Variants in RBFOX1 observed in about 807,000 individuals in gnomAD.
The protein encoded by RBFOX1 is RNA binding fox-1 homolog 1.
A neutral mutation model predicts 57.7 loss-of-function variants in RBFOX1; 8 were observed. That is an observed-to-expected ratio of 0.14 (90% CI 0.08 to 0.25). The LOEUF is 0.25. RBFOX1 is among the 10% of genes least tolerant of loss of function. The probability of loss-of-function intolerance (pLI) is 1.00; values close to 1 mark genes in which losing one functional copy is unlikely to be tolerated. For missense variants in RBFOX1, 611 were observed against 548.5 expected (o/e 1.11, Z -1.14); for synonymous variants, 326 against 222.4 (o/e 1.47, Z -4.15).
At chr16:6,717,544 G>A (rs992305773) in intron 3 of RBFOX1, among the ~76,000 whole-genome samples, 1 of 151,162 alleles carries the variant, frequency 6.6e-6, no homozygotes, top group Non-Finnish European at 1.5e-5. Flanking sequence ...TAGTCAACCT[G>A]ATGAATTAAG....
At chr16:7,390,243 G>A (rs1295467784) in intron 4 of RBFOX1, among the ~76,000 whole-genome samples, 1 of 152,100 alleles carries the variant, frequency 6.6e-6, no homozygotes, top group Non-Finnish European at 1.5e-5. Flanking sequence ...AACTACAGCT[G>A]GACATGAGAT....
At chr16:7,597,536 A>T (rs1035854839) in intron 9 of RBFOX1, 105 bp downstream of exon 9, 1 of 1,041,852 alleles carries the variant, frequency 9.6e-7, no homozygotes, top group African/African-American at 1.6e-5. Flanking sequence ...CTGGGCATTG[A>T]CACTGTGTTT....
At chr16:7,578,428 T>C (rs190526027) in intron 5 of RBFOX1, among the ~76,000 whole-genome samples, 109 of 152,348 alleles carry the variant, frequency 7.2e-4, no homozygotes, top group African/African-American at 2.4e-3. Context: ...GATGTCTTTA[T>C]TTCAAAATGC....
Position 7,711,881 on chromosome 16 carries a change from A to AACGTGACTGCGTT in RBFOX1, c.*1137_*1149dup, listed in dbSNP as rs2084050494. 1 of 152,658 alleles carries AACGTGACTGCGTT rather than the reference A, an allele frequency of 6.6e-6. No homozygotes were observed. The highest frequency in any genetic ancestry group is 2.1e-4 in the South Asian group (1 of 4,818). 9.5% of individuals were successfully genotyped at this position (152,658 alleles called of 1,614,324 possible). A position where few individuals can be genotyped will look rare whatever the true frequency, so the allele number is the denominator to read the frequency against. ...TTTTCATCAGCTTGGTACTTTTTGA[A>AACGTGACTGCGTT]ACGTGACTGCGTTGTGTGAACAATC... On this transcript the variant is annotated 3_prime_UTR_variant, in exon 16 of 16. Transcript: ENST00000550418.
intron 1 of RBFOX1, among the ~76,000 whole-genome samples, chr16:6,178,077 C>T (rs1200977163): frequency 6.6e-6 from 1 of 151,472 alleles, no homozygotes; most frequent in East Asian, 1.9e-4. Flanking sequence ...AATATGATTG[C>T]TTCCTAACCA....
chr16:6,515,823 A>C (rs2096365689), intron 2 of RBFOX1, among the ~76,000 whole-genome samples: 1 of 151,878 alleles, frequency 6.6e-6, no homozygotes, highest in South Asian at 2.1e-4. Flanking sequence ...GAAGTCTCTC[A>C]CCCACCCTAA....
At chr16:7,410,134 T>G (rs2098408596) in intron 4 of RBFOX1, among the ~76,000 whole-genome samples, 1 of 152,210 alleles carries the variant, frequency 6.6e-6, no homozygotes, top group Non-Finnish European at 1.5e-5. Flanking sequence ...ATTGTTAACC[T>G]ACATAAATGT....
intron 4 of RBFOX1, among the ~76,000 whole-genome samples, chr16:6,002,626 C>G (rs2060621672): frequency 6.6e-6 from 1 of 152,208 alleles, no homozygotes; most frequent in South Asian, 2.1e-4. Flanking sequence ...CTCTGTCACT[C>G]TTTCTTCTCC....
chr16:6,968,353 T>C (rs950410765), intron 3 of RBFOX1, among the ~76,000 whole-genome samples: 1 of 152,224 alleles, frequency 6.6e-6, no homozygotes, highest in African/African-American at 2.4e-5. Flanking sequence ...CTTTTCCTTC[T>C]TTTTTCTTCA....
chr16:6,203,738 C>G (rs1290454003), intron 1 of RBFOX1, among the ~76,000 whole-genome samples: 1 of 152,158 alleles, frequency 6.6e-6, no homozygotes, highest in Non-Finnish European at 1.5e-5. Flanking sequence ...ACCCTTGTCT[C>G]TTGTGTGTTC....
chr16:7,015,821 A>C (rs987105377), intron 3 of RBFOX1, among the ~76,000 whole-genome samples: 2 of 152,010 alleles, frequency 1.3e-5, no homozygotes, highest in Non-Finnish European at 2.9e-5. Context: ...GGGTAGAAAG[A>C]AATATTATTC....
intron 3 of RBFOX1, among the ~76,000 whole-genome samples, chr16:5,860,232 G>A (rs573016983): frequency 6.6e-6 from 1 of 152,100 alleles, no homozygotes; most frequent in East Asian, 1.9e-4. Context: ...ACAGACGCAT[G>A]CCACCATGCC....
chr16:6,089,704 G>A (rs1234235984), intron 1 of RBFOX1, among the ~76,000 whole-genome samples: 1 of 152,224 alleles, frequency 6.6e-6, no homozygotes, highest in African/African-American at 2.4e-5. Context: ...CCTTGGGGAT[G>A]TAGAAGCACA....
chr16:5,262,405 C>T (rs555395384), intron 1 of RBFOX1, among the ~76,000 whole-genome samples: 12 of 152,196 alleles, frequency 7.9e-5, no homozygotes, highest in South Asian at 6.2e-4. Context: ...AAGACCTGAA[C>T]AAAACAAAAA....
intron 3 of RBFOX1, among the ~76,000 whole-genome samples, chr16:6,755,098 C>T: frequency 6.6e-6 from 1 of 152,292 alleles, no homozygotes; most frequent in East Asian, 1.9e-4. Context: ...TTAATCCAGT[C>T]TATCATTGTT....
chr16:6,819,284 C>A (rs936644102), intron 3 of RBFOX1, among the ~76,000 whole-genome samples: 5 of 152,144 alleles, frequency 3.3e-5, no homozygotes, highest in Admixed American at 2.0e-4. Context: ...ATGGCATAGT[C>A]CCTTGTACAT....
rs540686611 is a variant in RBFOX1, at chr16:7,700,572, A to G, written c.996-8484A>G. Among the ~76,000 whole-genome samples the G allele has an allele frequency of 2.2e-3, 339 of 152,344 alleles. 1 individual carries two copies. The highest frequency in any genetic ancestry group is 9.3e-3 in the South Asian group (45 of 4,820). ...GGTGCCATGGTGATTTCAAAGCACA[A>G]TAAAAATTCTTAGTGATTTTGGTAG... On this transcript the variant is annotated intron_variant, in intron 14 of 15. Coordinates refer to ENST00000550418, the MANE Select transcript of RBFOX1 (RefSeq NM_018723.4).
chr16:5,624,001 A>T (rs577845086), intron 3 of RBFOX1, among the ~76,000 whole-genome samples: 1 of 152,346 alleles, frequency 6.6e-6, no homozygotes, highest in Admixed American at 6.5e-5. Context: ...AGGCTTTTGC[A>T]GACTATTTGA....
At chr16:6,022,878 G>T (rs886820657) in intron 1 of RBFOX1, among the ~76,000 whole-genome samples, 7 of 152,092 alleles carry the variant, frequency 4.6e-5, no homozygotes, top group Non-Finnish European at 7.4e-5. Context: ...ACACAACATG[G>T]GCTGTACCCT....
Sources: gnomAD v4.1 joint callset for allele counts (sites outside exome capture counted in the v4.1 genomes callset) on GRCh38, gnomAD v4.1.1 for gene constraint, MANE v1.5 for transcripts, NCBI Gene and HGNC (gene_info 2026-07-23, HGNC 2026-07-21) for gene names.